The following FNDC3B variants were observed in gnomAD, a reference collection of about 807,000 sequenced individuals.
The protein encoded by FNDC3B is fibronectin type III domain containing 3B.
Under a neutral mutation model 151.5 loss-of-function variants are expected in FNDC3B, and 12 were observed. That is an observed-to-expected ratio of 0.08 (90% confidence interval 0.05 to 0.13). The LOEUF is 0.13. Ranked by LOEUF, FNDC3B falls within the 10% of genes least tolerant of loss-of-function variation. FNDC3B has a pLI of 1.00. For synonymous variants in FNDC3B, 528 were observed against 549.0 expected, an observed-to-expected ratio of 0.96 and a Z score of 0.54; for missense variants, 1,214 against 1,505.3, an observed-to-expected ratio of 0.81 and a Z score of 3.20.
At chr3:172,341,278 G>C (rs373971316) in intron 17 of FNDC3B, 47 bp downstream of exon 17, 159 of 1,346,864 alleles carry the variant, frequency 1.2e-4, no homozygotes, top group Non-Finnish European at 1.7e-4. Flanking sequence ...ATCAAATTCG[G>C]ACAAACTGTC....
chr3:172,041,990 T>C (rs990889007), intron 1 of FNDC3B, among the ~76,000 whole-genome samples: 3 of 152,140 alleles, frequency 2.0e-5, no homozygotes, highest in Non-Finnish European at 2.9e-5. Context: ...GAATGAGGCA[T>C]AGTTGATTAA....
intron 1 of FNDC3B, among the ~76,000 whole-genome samples, chr3:172,046,137 T>C (rs1560380678): frequency 1.3e-5 from 2 of 152,264 alleles, no homozygotes; most frequent in East Asian, 1.9e-4. Context: ...ATAAGATCGA[T>C]AGACAGTCGT....
At chr3:172,061,560 G>A (rs1717201649) in intron 1 of FNDC3B, among the ~76,000 whole-genome samples, 1 of 152,122 alleles carries the variant, frequency 6.6e-6, no homozygotes, top group Non-Finnish European at 1.5e-5. Context: ...TGAAGTTATG[G>A]GTGTTAGATA....
intron 3 of FNDC3B, among the ~76,000 whole-genome samples, chr3:172,140,261 C>T (rs1721555934): frequency 6.6e-6 from 1 of 152,164 alleles, no homozygotes; most frequent in Non-Finnish European, 1.5e-5. Context: ...GCTTCAAGAC[C>T]AATCAGTCTT....
intron 25 of FNDC3B, among the ~76,000 whole-genome samples, chr3:172,384,015 A>AG (rs1353209737): frequency 6.6e-6 from 1 of 151,850 alleles, no homozygotes. Context: ...ATTTATAAAA[A>AG]AAACTTTGTT....
Position 172,347,333 on chromosome 3 carries a change from C to T in FNDC3B, c.2486C>T (p.Pro829Leu). The T allele has an allele frequency of 6.2e-7, 1 of 1,613,980 alleles. No individual in the cohort carries two copies. The highest frequency in any genetic ancestry group is 8.5e-7 in the Non-Finnish European group (1 of 1,179,924). Residue 829 changes from proline to leucine, a missense_variant, in exon 21 of 26, where the codon CCT becomes CTT. By Grantham distance (98) the Pro-to-Leu change is moderately conservative (BLOSUM62 -3). Coordinates refer to ENST00000415807, the MANE Select transcript of FNDC3B (RefSeq NM_022763.4). ...DTRFEIRDLL[P>L]AAQYCCRLQA... ...CGTTTTGAAATAAGAGACCTGTTGC[C>T]TGCTGCACAGTATTGCTGTAGACTA...
At chr3:172,306,929 T>G (rs1049311448) in intron 9 of FNDC3B, 1 of 162,204 alleles carries the variant, frequency 6.2e-6, no homozygotes, top group East Asian at 1.8e-4. Context: ...GTTTGTACTT[T>G]TATGCTTTCT....
intron 2 of FNDC3B, among the ~76,000 whole-genome samples, chr3:172,118,818 A>C (rs1229277927): frequency 6.6e-6 from 1 of 152,172 alleles, no homozygotes; most frequent in African/African-American, 2.4e-5. Context: ...AAATTTATAA[A>C]GCCCTCTGGA....
intron 2 of FNDC3B, among the ~76,000 whole-genome samples, chr3:172,132,676 G>A (rs1010303006): frequency 6.6e-6 from 1 of 152,282 alleles, no homozygotes; most frequent in South Asian, 2.1e-4. Flanking sequence ...GGGATTACAG[G>A]CGTGAGCCAC....
At chr3:172,060,260 G>A (rs922812677) in intron 1 of FNDC3B, among the ~76,000 whole-genome samples, 2 of 152,152 alleles carry the variant, frequency 1.3e-5, no homozygotes, top group Non-Finnish European at 2.9e-5. Context: ...TAATTTAAAA[G>A]TCTAGATTCT....
At position 172,328,999 on chromosome 3, in the gene FNDC3B, G is replaced by T; in HGVS notation, c.1302G>T (p.Lys434Asn). ...GACAGTGCTTCTTCGGGAGCCAGAAGCACTGCAAGTTGACAAAGCTTTGTC... is the reference window on the plus strand; with the variant it reads ...GACAGTGCTTCTTCGGGAGCCAGAATCACTGCAAGTTGACAAAGCTTTGTC... ...GFRQCFFGSQ[K>N]HCKLTKLCPA... Residue 434 changes from lysine (K) to asparagine (N), a missense_variant, in exon 12 of 26, where the codon AAG (lysine) becomes AAT (asparagine). This residue lies in a region of FNDC3B where 156 missense variants were observed against 225.3 expected (regional missense o/e 0.69). Transcript: ENST00000415807. 6.2e-7 allele frequency: 1 copy of T among 1,613,594 alleles called. No homozygotes were observed. The highest frequency in any genetic ancestry group is 8.5e-7 in the Non-Finnish European group (1 of 1,179,746).
chr3:172,089,467 A>G (rs950225008), intron 1 of FNDC3B, among the ~76,000 whole-genome samples: 16 of 152,286 alleles, frequency 1.1e-4, no homozygotes, highest in Admixed American at 7.9e-4. Context: ...CCCTGGGAAG[A>G]TCAGTACTGA....
intron 11 of FNDC3B, among the ~76,000 whole-genome samples, chr3:172,313,118 T>C (rs1425172760): frequency 6.6e-6 from 1 of 152,110 alleles, no homozygotes; most frequent in Non-Finnish European, 1.5e-5. Context: ...ATCAGCTCTG[T>C]TGAGCTTTGC....
intron 6 of FNDC3B, among the ~76,000 whole-genome samples, chr3:172,261,598 G>A (rs2108790480): frequency 1.3e-5 from 2 of 152,316 alleles, no homozygotes; most frequent in South Asian, 2.1e-4. Context: ...TTTTGGTGCT[G>A]TAGTGAGACT....
At chr3:172,131,544 A>G (rs979178001) in intron 2 of FNDC3B, among the ~76,000 whole-genome samples, 3 of 152,254 alleles carry the variant, frequency 2.0e-5, no homozygotes, top group Non-Finnish European at 2.9e-5. Flanking sequence ...TATATAGGAA[A>G]AATAAATTGC....
rs1167357556 is a variant in FNDC3B at position 172,352,032 on chromosome 3, A to C, written c.2515-771A>C. On this transcript the variant is annotated intron_variant, in intron 21 of 25. Transcript: ENST00000415807. This position sits in a 1 kb window ranked among gnomAD's most constrained non-coding sequence, Gnocchi z 4.2. ...GGCGTTTACTCCTTGAGACAAGACG[A>C]CATCTCCAAATGTTTGAGTAGAGGT... is the stretch of plus-strand genomic sequence containing the variant. Among the ~76,000 whole-genome samples, 2 of 152,174 alleles carry C rather than the reference A, an allele frequency of 1.3e-5. No homozygotes were observed. Among genetic ancestry groups the C allele is most frequent in the Non-Finnish European group, 2.9e-5 (2 of 68,038 alleles).
chr3:172,250,973 C>T (rs747959983), intron 5 of FNDC3B, among the ~76,000 whole-genome samples: 3 of 152,068 alleles, frequency 2.0e-5, no homozygotes, highest in East Asian at 1.9e-4. Flanking sequence ...CCTACCACCA[C>T]GCCTGGCTAA....
At chr3:172,115,378 A>G (rs1269177282) in intron 2 of FNDC3B, among the ~76,000 whole-genome samples, 2 of 151,924 alleles carry the variant, frequency 1.3e-5, no homozygotes, top group African/African-American at 4.8e-5. Context: ...ATTCAAAAGA[A>G]GAAAGAACAA....
In FNDC3B at chr3:172,073,169, A is replaced by G. The variant is rs2108489212; in HGVS notation, c.-29+33398A>G. 2.6e-5 allele frequency among the ~76,000 whole-genome samples: 4 copies of G among 152,324 alleles called. No individual in the cohort carries two copies. The Middle Eastern group carries it at 0.014, about 518-fold the overall frequency. ...GTTATTGTTAGCATTTATGTGAAGGACTTGCAGTACTATAGCCAGGTGCTA... is the reference window on the plus strand; with the variant it reads ...GTTATTGTTAGCATTTATGTGAAGGGCTTGCAGTACTATAGCCAGGTGCTA... On this transcript the variant is annotated intron_variant, in intron 1 of 25. Transcript: ENST00000415807.
Sources: allele counts gnomAD v4.1 joint callset (sites outside exome capture counted in the v4.1 genomes callset), GRCh38; gene constraint gnomAD v4.1.1; regional missense constraint gnomAD v4.1.1; non-coding constraint Gnocchi (gnomAD v3.1); transcripts MANE v1.5; gene names NCBI Gene and HGNC (gene_info 2026-07-23, HGNC 2026-07-21).